Variants in GPRC5C observed in about 807,000 individuals in gnomAD.
GPRC5C encodes G protein-coupled receptor class C group 5 member C, also known as G protein-coupled receptor family C group 5 member C.
A neutral mutation model predicts 31.4 loss-of-function variants in GPRC5C; 22 were observed. The ratio of observed to expected loss-of-function variants is 0.70; its 90% CI spans 0.50 to 1.00. The LOEUF is 1.00. Among genes scored for constraint, GPRC5C ranks in the 50% least tolerant of loss-of-function variants. GPRC5C has a pLI of 0.00. For synonymous variants in GPRC5C, 249 were observed against 257.5 expected (o/e 0.97, Z 0.32); for missense variants, 557 against 597.2 (o/e 0.93, Z 0.70).
chr17:74,446,502 G>T (rs1484564136), intron 3 of GPRC5C: 3 of 211,566 alleles, frequency 1.4e-5, no homozygotes, highest in Non-Finnish European at 1.9e-5. Context: ...AGCTATGTCA[G>T]ACAGGTAGTA....
At chr17:74,449,693 A>G (rs894625347), downstream of GPRC5C, 3 of 107,694 alleles carry the variant, frequency 2.8e-5, no homozygotes, top group Non-Finnish European at 4.8e-5. Flanking sequence ...TGTGTCCCCA[A>G]GCTGTGGTTC....
intron 3 of GPRC5C, chr17:74,445,635 G>A (rs2055615441): frequency 6.6e-6 from 1 of 152,344 alleles, no homozygotes; most frequent in South Asian, 2.1e-4. Context: ...AGACAGGCCT[G>A]AGGACCTCCT....
chr17:74,435,523 A>G (rs969329292), intron 1 of GPRC5C, among the ~76,000 whole-genome samples: 3 of 132,858 alleles, frequency 2.3e-5, no homozygotes, highest in Non-Finnish European at 4.5e-5. Flanking sequence ...GCTGGGCAGC[A>G]GCATGGTACC....
chr17:74,441,855 T>A (rs2055546193), intron 2 of GPRC5C, among the ~76,000 whole-genome samples: 1 of 152,180 alleles, frequency 6.6e-6, no homozygotes, highest in African/African-American at 2.4e-5. Context: ...AAAGCACTCT[T>A]GAAGAATTAG....
chr17:74,449,004 G>C (rs1270102976), downstream of GPRC5C: 2 of 822,280 alleles, frequency 2.4e-6, no homozygotes, highest in East Asian at 1.3e-4. Flanking sequence ...ACTTTGCCAG[G>C]GGGCTGCCAG....
chr17:74,439,634 C>T (rs1157642438), intron 1 of GPRC5C, 111 bp from the exon 2 acceptor site: 37 of 998,720 alleles, frequency 3.7e-5, no homozygotes, highest in South Asian at 2.4e-4. Flanking sequence ...GAGAGCCTCA[C>T]GGTCAGCAGC....
downstream of GPRC5C, chr17:74,450,767 A>C (rs189220047): frequency 5.9e-5 from 9 of 152,384 alleles, no homozygotes; most frequent in African/African-American, 1.9e-4. Flanking sequence ...GCACAGCTCC[A>C]GGCTCGTGAA....
At chr17:74,448,902 G>A (rs1056876041), downstream of GPRC5C, 15 of 1,289,562 alleles carry the variant, frequency 1.2e-5, no homozygotes, top group Middle Eastern at 2.1e-4. Context: ...GCCTCTCTCC[G>A]TGGCCCACCC....
chr17:74,449,388 C>T (rs1224677267), downstream of GPRC5C: 1 of 1,277,738 alleles, frequency 7.8e-7, no homozygotes, highest in Admixed American at 2.3e-5. Context: ...CCCGGGACTG[C>T]ACGGCATCCT....
At chr17:74,448,518 T>C (rs2055675740), downstream of GPRC5C, among the ~76,000 whole-genome samples, 1 of 152,074 alleles carries the variant, frequency 6.6e-6, no homozygotes, top group Non-Finnish European at 1.5e-5. Flanking sequence ...GCTGGGATTA[T>C]AGACATGTGC....
rs200434997 is a variant in GPRC5C at position 74,440,372 on chromosome 17, C to T, written c.596C>T (p.Ala199Val). ...QGNSSAGWAV[A>V]SPCAIANMDF... ...AACAGCAGCGCAGGCTGGGCCGTGGCCTCCCCCTGTGCCATCGCCAACATG... is the reference window on the plus strand; with the variant it reads ...AACAGCAGCGCAGGCTGGGCCGTGGTCTCCCCCTGTGCCATCGCCAACATG... Residue 199 changes from alanine (A) to valine (V), a missense_variant, in exon 2 of 4, where the codon GCC becomes GTC. Transcript: ENST00000392627. The surrounding 1 kb of genome is among the most constrained non-coding windows in gnomAD (Gnocchi z 4.4). 5.6e-5 allele frequency: 91 copies of T among 1,614,088 alleles called. No homozygotes were observed. In the East Asian group the frequency reaches 6.5e-4, roughly 11 times the overall value.
chr17:74,442,051 G>T (rs2055550587), intron 2 of GPRC5C, among the ~76,000 whole-genome samples: 1 of 152,114 alleles, frequency 6.6e-6, no homozygotes, highest in African/African-American at 2.4e-5. Context: ...CACCCAGGCT[G>T]GAGTACAGTG....
chr17:74,446,713 A>C (rs2144450124), intron 3 of GPRC5C, 136 bp from the exon 4 acceptor site: 1 of 679,232 alleles, frequency 1.5e-6, no homozygotes, highest in East Asian at 2.8e-5. Flanking sequence ...GGGCCCAGCC[A>C]GAGGGGGCAG....
rs2670824 is a variant in GPRC5C, at chr17:74,442,833, C to A, written c.1052-985C>A. Among the ~76,000 whole-genome samples the A allele has an allele frequency of 4.6e-5, 7 of 152,268 alleles. No individual in the cohort carries two copies. In the East Asian group the frequency reaches 5.8e-4, roughly 13 times the overall value. The stretch of plus-strand genomic sequence containing the variant: ...CCTGTCACACGCACGGTGTGCATGG[C>A]GGGGGTGGAATTGGCAAAACCCACC... On this transcript the variant is annotated intron_variant, in intron 2 of 3. Coordinates refer to ENST00000392627, the MANE Select transcript of GPRC5C (RefSeq NM_022036.4).
chr17:74,434,698 G>A (rs2055406267), intron 1 of GPRC5C, among the ~76,000 whole-genome samples: 1 of 152,206 alleles, frequency 6.6e-6, no homozygotes, highest in African/African-American at 2.4e-5. Context: ...TGAGGTAGGT[G>A]GATCACCTTA....
At chr17:74,439,014 C>T (rs2055485485) in intron 1 of GPRC5C, among the ~76,000 whole-genome samples, 1 of 152,176 alleles carries the variant, frequency 6.6e-6, no homozygotes, top group South Asian at 2.1e-4. Context: ...TTGGGTTTTG[C>T]ATTGCCCTTG....
chr17:74,442,017 T>G (rs907147713), intron 2 of GPRC5C, among the ~76,000 whole-genome samples: 8 of 152,232 alleles, frequency 5.3e-5, no homozygotes, highest in Non-Finnish European at 8.8e-5. Flanking sequence ...TTTTTTTATT[T>G]TTTGAGACGG....
At chr17:74,449,007 G>A, downstream of GPRC5C, 2 of 802,904 alleles carry the variant, frequency 2.5e-6, no homozygotes, top group Non-Finnish European at 3.6e-6. Flanking sequence ...TTGCCAGGGG[G>A]CTGCCAGGCC....
chr17:74,443,191 C>CGGGAAACCAACACCCCAAAGGCA (rs1473177987), intron 2 of GPRC5C: 1 of 194,442 alleles, frequency 5.1e-6, no homozygotes, highest in Non-Finnish European at 1.1e-5. Context: ...CGGAACACAC[C>CGGGAAACCAACACCCCAAAGGCA]GGGAAACCAA....
Sources: allele counts gnomAD v4.1 joint callset (sites outside exome capture counted in the v4.1 genomes callset), GRCh38; gene constraint gnomAD v4.1.1; non-coding constraint Gnocchi (gnomAD v3.1); transcripts MANE v1.5; gene names NCBI Gene and HGNC (gene_info 2026-07-23, HGNC 2026-07-21).